LRMDA: variants seen among roughly 807,000 people sequenced by gnomAD.
LRMDA encodes the protein leucine-rich melanocyte differentiation-associated protein.
LRMDA carries 18 observed loss-of-function variants against 29.8 expected under a neutral mutation model. The ratio of observed to expected loss-of-function variants is 0.60; its 90% confidence interval spans 0.42 to 0.90. The LOEUF (loss-of-function observed/expected upper bound fraction) is 0.90, where lower values mean the gene tolerates loss of function less well. LRMDA is among the 40% of genes least tolerant of loss of function. The probability of loss-of-function intolerance (pLI) is 0.00; values close to 1 mark genes in which losing one functional copy is unlikely to be tolerated. For missense variants in LRMDA, 273 were observed against 273.9 expected (o/e 1.00, Z 0.02); for synonymous variants, 125 against 109.4 (o/e 1.14, Z -0.89).
chr10:76,200,373 C>T (rs1030994832), intron 5 of LRMDA, among the ~76,000 whole-genome samples: 3 of 152,300 alleles, frequency 2.0e-5, no homozygotes, highest in African/African-American at 7.2e-5. Flanking sequence ...AAACAATTCA[C>T]AGGATTTCTT....
At chr10:75,869,518 C>T (rs140561981) in intron 2 of LRMDA, among the ~76,000 whole-genome samples, 3 of 152,304 alleles carry the variant, frequency 2.0e-5, no homozygotes, top group African/African-American at 4.8e-5. Context: ...CCTGTTATCA[C>T]GTATTTTCAG....
chr10:76,220,971 G>T lies in LRMDA; in HGVS notation c.517-103430G>T, dbSNP rs946835892. ...GGGATGCAAGGCTGGTTCAATATAT[G>T]CAAATCAATAAATGTAATCCAGCAT... On this transcript the variant is annotated intron_variant, in intron 5 of 6. Transcript: ENST00000611255. Among the ~76,000 whole-genome samples the T allele has an allele frequency of 2.6e-5, 4 of 152,024 alleles. No individual in the cohort carries two copies. The East Asian group carries it at 5.8e-4, about 22-fold the overall frequency.
At chr10:76,107,752 A>G (rs1849510701) in intron 5 of LRMDA, among the ~76,000 whole-genome samples, 1 of 151,862 alleles carries the variant, frequency 6.6e-6, no homozygotes, top group South Asian at 2.1e-4. Flanking sequence ...CTTTCTTTTT[A>G]TTTTATTTTA....
At chr10:75,603,876 G>C (rs1051069524) in intron 2 of LRMDA, among the ~76,000 whole-genome samples, 1 of 152,190 alleles carries the variant, frequency 6.6e-6, no homozygotes, top group Admixed American at 6.5e-5. Flanking sequence ...TGTGTCACCA[G>C]TACTGCGTTG....
At position 76,272,001 on chromosome 10, in the gene LRMDA, A is replaced by T. The variant is rs572286088; in HGVS notation, c.517-52400A>T. On this transcript the variant is annotated intron_variant, in intron 5 of 6. Transcript: ENST00000611255. ...GCAGTCACTCAGTAAGAAAAGCTAA[A>T]ATGTGTATGGGCTACATCCCTCTCC... Among the ~76,000 whole-genome samples the T allele has an allele frequency of 2.0e-5, 3 of 152,288 alleles. No individual in the cohort carries two copies. In the South Asian group the frequency reaches 6.2e-4, roughly 32 times the overall value.
chr10:75,693,621 T>A (rs1842197701), intron 2 of LRMDA, among the ~76,000 whole-genome samples: 1 of 152,196 alleles, frequency 6.6e-6, no homozygotes, highest in African/African-American at 2.4e-5. Flanking sequence ...CTTGCCTTGT[T>A]TTATATTGGC....
intron 2 of LRMDA, among the ~76,000 whole-genome samples, chr10:75,664,893 T>C (rs1423417773): frequency 1.3e-5 from 2 of 152,118 alleles, no homozygotes. Flanking sequence ...AAGGAACCAC[T>C]AGAAGAGAAA....
At chr10:75,861,418 T>C (rs895509380) in intron 2 of LRMDA, among the ~76,000 whole-genome samples, 1 of 152,234 alleles carries the variant, frequency 6.6e-6, no homozygotes, top group Admixed American at 6.5e-5. Flanking sequence ...ACAAGTGCTG[T>C]ATGGAGTTCT....
chr10:75,924,749 G>GGCGCAGAGAGCA (rs1846089669), intron 2 of LRMDA, among the ~76,000 whole-genome samples: 1 of 152,240 alleles, frequency 6.6e-6, no homozygotes, highest in South Asian at 2.1e-4. Context: ...AGGGGGTGGG[G>GGCGCAGAGAGCA]GCGCAGAGAG....
chr10:76,502,514 A>G (rs139651619), intron 6 of LRMDA, among the ~76,000 whole-genome samples: 1 of 151,638 alleles, frequency 6.6e-6, no homozygotes, highest in Non-Finnish European at 1.5e-5. Context: ...CCATTTATTC[A>G]TGTTGTCTCT....
chr10:76,043,566 AT>A (rs1269881637), intron 3 of LRMDA, among the ~76,000 whole-genome samples: 1 of 148,284 alleles, frequency 6.7e-6, no homozygotes, highest in Non-Finnish European at 1.5e-5. Context: ...AAAAAAAAAA[AT>A]CACATGATCA....
chr10:76,406,485 C>T (rs1841902985), intron 6 of LRMDA, among the ~76,000 whole-genome samples: 2 of 152,168 alleles, frequency 1.3e-5, no homozygotes, highest in African/African-American at 2.4e-5. Context: ...TGGAGATACC[C>T]GTTGAGCCTC....
intron 6 of LRMDA, among the ~76,000 whole-genome samples, chr10:76,356,042 A>C (rs759641352): frequency 1.1e-4 from 17 of 152,188 alleles, no homozygotes; most frequent in Non-Finnish European, 2.5e-4. Flanking sequence ...CTACACCCAG[A>C]TATATTGGAT....
chr10:75,578,866 A>G (rs1005161256), intron 2 of LRMDA, among the ~76,000 whole-genome samples: 3 of 152,052 alleles, frequency 2.0e-5, no homozygotes, highest in Non-Finnish European at 4.4e-5. Context: ...TTTGAAACCA[A>G]TGAAAACAAA....
In LRMDA at chr10:75,694,717, G is replaced by T. The variant is rs532526282; in HGVS notation, c.131+256223G>T. On this transcript the variant is annotated intron_variant, in intron 2 of 6. Transcript: ENST00000611255. ...AGCAGCGTCATGTGTAGTAAGAGGA[G>T]CAGTGTGGCGTTTTCTGAAATATCG... Among the ~76,000 whole-genome samples, 3 of 152,248 alleles carry T rather than the reference G, an allele frequency of 2.0e-5. No individual in the cohort carries two copies. The South Asian group carries it at 6.2e-4, about 32-fold the overall frequency.
chr10:75,517,989 A>G (rs1845312188), intron 2 of LRMDA, among the ~76,000 whole-genome samples: 1 of 152,044 alleles, frequency 6.6e-6, no homozygotes, highest in African/African-American at 2.4e-5. Context: ...TGTTTATGTG[A>G]TAGAAGTTAC....
intron 5 of LRMDA, among the ~76,000 whole-genome samples, chr10:76,204,791 T>A (rs1851504217): frequency 6.6e-6 from 1 of 152,240 alleles, no homozygotes; most frequent in African/African-American, 2.4e-5. Flanking sequence ...GGTTATTTCC[T>A]TTCCGGAAGA....
chr10:75,459,769 G>T (rs1218809843), intron 2 of LRMDA, among the ~76,000 whole-genome samples: 1 of 152,152 alleles, frequency 6.6e-6, no homozygotes, highest in Admixed American at 6.5e-5. Context: ...AGATCTAGGG[G>T]CTGCATCTGA....
At chr10:76,225,648 G>T (rs1291576729) in intron 5 of LRMDA, among the ~76,000 whole-genome samples, 2 of 151,378 alleles carry the variant, frequency 1.3e-5, no homozygotes, top group Non-Finnish European at 2.9e-5. Context: ...TCCTGTATTA[G>T]TCCATGTTCA....
Sources: allele counts gnomAD v4.1 joint callset (sites outside exome capture counted in the v4.1 genomes callset), GRCh38; gene constraint gnomAD v4.1.1; transcripts MANE v1.5; gene names NCBI Gene and HGNC (gene_info 2026-07-23, HGNC 2026-07-21).